The following NHSL1 variants were observed in gnomAD, a reference collection of about 807,000 sequenced individuals.
NHSL1 encodes NHS-like protein 1.
NHSL1 carries 48 observed loss-of-function variants against 95.0 expected under a neutral mutation model. That is an observed-to-expected ratio of 0.51 (90% CI 0.40 to 0.64). The LOEUF is 0.64. Ranked by LOEUF, NHSL1 falls within the 30% of genes least tolerant of loss-of-function variation. The pLI, the probability that NHSL1 is intolerant of heterozygous loss-of-function variation, is 0.00. For missense variants in NHSL1, 1,971 were observed against 2,077.7 expected (o/e 0.95, Z 1.00); for synonymous variants, 783 against 833.9 (o/e 0.94, Z 1.05).
At chr6:138,621,529 G>A (rs1784664224) in intron 1 of NHSL1, among the ~76,000 whole-genome samples, 1 of 151,518 alleles carries the variant, frequency 6.6e-6, no homozygotes, top group African/African-American at 2.4e-5. Flanking sequence ...CTGGAGTGCA[G>A]TGGCTCAACC....
intron 3 of NHSL1, among the ~76,000 whole-genome samples, chr6:138,448,356 T>C (rs1246575171): frequency 6.6e-6 from 1 of 152,180 alleles, no homozygotes; most frequent in Non-Finnish European, 1.5e-5. Context: ...AAAATAAATG[T>C]GTAATAACTG....
intron 1 of NHSL1, among the ~76,000 whole-genome samples, chr6:138,684,142 G>A (rs1785551362): frequency 6.7e-6 from 1 of 149,082 alleles, no homozygotes; most frequent in African/African-American, 2.5e-5. Context: ...AACCCAGGAG[G>A]CAGAGGTTGC....
intron 1 of NHSL1, among the ~76,000 whole-genome samples, chr6:138,617,707 C>T (rs1784599478): frequency 6.6e-6 from 1 of 152,242 alleles, no homozygotes; most frequent in Non-Finnish European, 1.5e-5. Context: ...CTAAGCTTGA[C>T]AGAGCTTCTG....
At chr6:138,441,678 G>C (rs1248107480) in intron 5 of NHSL1, among the ~76,000 whole-genome samples, 1 of 152,132 alleles carries the variant, frequency 6.6e-6, no homozygotes, top group African/African-American at 2.4e-5. Context: ...TTAATTGTGG[G>C]AATAGCCAAT....
chr6:138,606,210 A>G (rs1347296763), intron 1 of NHSL1, among the ~76,000 whole-genome samples: 1 of 152,228 alleles, frequency 6.6e-6, no homozygotes, highest in East Asian at 1.9e-4. Context: ...GCTGCAGAGG[A>G]AAGACCTGGC....
rs142251604 is a variant in NHSL1 at position 138,525,361 on chromosome 6, C to A, written c.16+20262G>T. Among the ~76,000 whole-genome samples, 1,112 of 151,552 alleles carry A rather than the reference C, an allele frequency of 7.3e-3. 7 individuals carry two copies. The highest frequency in any genetic ancestry group is 0.024 in the Middle Eastern group (7 of 294). ...TGCAACATAGCAACTCTCTCTCTCTCTATAAAAAAATTAAAAAGTAGCCAG... is the reference window on the plus strand; with the variant it reads ...TGCAACATAGCAACTCTCTCTCTCTATATAAAAAAATTAAAAAGTAGCCAG... On this transcript the variant is annotated intron_variant, in intron 1 of 4. Coordinates refer to the NHSL1 transcript ENST00000342260.
intron 2 of NHSL1, among the ~76,000 whole-genome samples, chr6:138,478,761 TA>T (rs1304266311): frequency 6.6e-6 from 1 of 152,224 alleles, no homozygotes; most frequent in Non-Finnish European, 1.5e-5. Context: ...AAAACTGTGT[TA>T]TTGTTCTCAC....
rs1421211281 is a variant in NHSL1 at position 138,631,064 on chromosome 6, A to ATTCC, written c.96+61411_96+61412insGGAA. On this transcript the variant is annotated intron_variant, in intron 1 of 3. Transcript: ENST00000491526. Reference sequence around the variant, plus strand: ...GTGTTCCTGTGCTCTGGGGAGAGGGAAAGTCAGCAATTGTGAGGCACTGAA... The same window carrying ATTCC: ...GTGTTCCTGTGCTCTGGGGAGAGGGATTCCAAGTCAGCAATTGTGAGGCACTGAA... Among the ~76,000 whole-genome samples the ATTCC allele has an allele frequency of 1.0e-3, 152 of 152,252 alleles. 3 individuals are homozygous for ATTCC. Among genetic ancestry groups the ATTCC allele is most frequent in the Admixed American group, 7.6e-3 (116 of 15,286 alleles).
intron 3 of NHSL1, among the ~76,000 whole-genome samples, chr6:138,455,405 T>C (rs1451424663): frequency 1.3e-5 from 2 of 152,140 alleles, no homozygotes; most frequent in Non-Finnish European, 2.9e-5. Flanking sequence ...TTGAGGTAAC[T>C]GAGTAATCTT....
At position 138,606,764 on chromosome 6, in the gene NHSL1, G is replaced by A. The variant is rs141239322; in HGVS notation, c.96+85712C>T. 6.8e-3 allele frequency among the ~76,000 whole-genome samples: 1,005 copies of A among 148,128 alleles called. 18 individuals carry two copies. The highest frequency in any genetic ancestry group is 0.022 in the African/African-American group (877 of 39,826). On this transcript the variant is annotated intron_variant, in intron 1 of 3. Coordinates refer to the NHSL1 transcript ENST00000491526. ...GTTGCCCAGGCTGGAGTGCAGTGGC[G>A]CAATCTCAGCTCACTGCAAGCTCCG...
chr6:138,516,889 C>T (rs1332648620), intron 1 of NHSL1, among the ~76,000 whole-genome samples: 1 of 152,120 alleles, frequency 6.6e-6, no homozygotes, highest in Non-Finnish European at 1.5e-5. Context: ...CGTGCCTCAG[C>T]CTCCCAAAGT....
intron 1 of NHSL1, among the ~76,000 whole-genome samples, chr6:138,601,547 C>G (rs991050651): frequency 1.3e-5 from 2 of 152,052 alleles, no homozygotes; most frequent in African/African-American, 2.4e-5. Flanking sequence ...GGCACGGTGG[C>G]TCATGCCTGC....
At chr6:138,506,348 T>G (rs1780963751) in intron 1 of NHSL1, among the ~76,000 whole-genome samples, 1 of 152,202 alleles carries the variant, frequency 6.6e-6, no homozygotes, top group Non-Finnish European at 1.5e-5. Context: ...ATAACAGTTT[T>G]GAATTATTAT....
In NHSL1 at chr6:138,658,073, G is replaced by T. The variant is rs1785180458; in HGVS notation, c.96+34403C>A. On this transcript the variant is annotated intron_variant, in intron 1 of 3. Transcript: ENST00000491526. ...TCTCCCGAAAATGAAGTCTCTAGCT[G>T]TTACTGAGTTCTATTATGGTCCATA... Among the ~76,000 whole-genome samples, 3 of 152,192 alleles carry T rather than the reference G, an allele frequency of 2.0e-5. 1 individual carries two copies. The highest frequency in any genetic ancestry group is 3.4e-3 in the Middle Eastern group (1 of 294).
In NHSL1 at chr6:138,597,122, C is replaced by T. The variant is rs147349253; in HGVS notation, c.96+95354G>A. Among the ~76,000 whole-genome samples the T allele has an allele frequency of 3.3e-3, 498 of 152,186 alleles. 24 individuals carry two copies. The East Asian group carries it at 0.082, about 25-fold the overall frequency. On this transcript the variant is annotated intron_variant, in intron 1 of 3. Transcript: ENST00000491526. ...GCTGCAGTGAGCCAAGATCACATCA[C>T]GGCACTCCAGCCTGGGCGACAGAGT...
intron 1 of NHSL1, among the ~76,000 whole-genome samples, chr6:138,675,658 C>T (rs550722199): frequency 3.9e-4 from 59 of 152,256 alleles, no homozygotes; most frequent in African/African-American, 1.3e-3. Flanking sequence ...CCTCAGCCCC[C>T]CAAATAGCTG....
At chr6:138,631,776 AC>A (rs545747280) in intron 1 of NHSL1, among the ~76,000 whole-genome samples, 60 of 152,202 alleles carry the variant, frequency 3.9e-4, no homozygotes, top group African/African-American at 1.4e-3. Context: ...GTTATGTATG[AC>A]CTAGCACATT....
At chr6:138,618,419 T>C (rs1028412549) in intron 1 of NHSL1, among the ~76,000 whole-genome samples, 15 of 152,220 alleles carry the variant, frequency 9.9e-5, no homozygotes, top group African/African-American at 3.4e-4. Flanking sequence ...CACTCATCAG[T>C]AGTTGTGTTC....
At chr6:138,659,571 G>T (rs1409110357) in intron 1 of NHSL1, among the ~76,000 whole-genome samples, 2 of 152,038 alleles carry the variant, frequency 1.3e-5, no homozygotes, top group Non-Finnish European at 2.9e-5. Context: ...TGACTCTTTG[G>T]GGATGGAAGA....
Sources: gnomAD v4.1 joint callset for allele counts (sites outside exome capture counted in the v4.1 genomes callset) on GRCh38, gnomAD v4.1.1 for gene constraint, MANE v1.5 for transcripts, NCBI Gene and HGNC (gene_info 2026-07-23, HGNC 2026-07-21) for gene names.